Variants in SLC8A1 observed in about 807,000 individuals in gnomAD.
SLC8A1 encodes the protein solute carrier family 8 member A1.
SLC8A1 carries 18 observed loss-of-function variants against 68.3 expected under a neutral mutation model. That is an observed-to-expected ratio of 0.26 (90% CI 0.18 to 0.39). The LOEUF (loss-of-function observed/expected upper bound fraction) is 0.39. SLC8A1 is among the 10% of genes least tolerant of loss of function. The pLI is 1.00. For synonymous variants in SLC8A1, 475 were observed against 415.5 expected (o/e 1.14, Z -1.74); for missense variants, 985 against 1,156.7 (o/e 0.85, Z 2.15).
intron 2 of SLC8A1, among the ~76,000 whole-genome samples, chr2:40,198,914 G>T (rs35963830): frequency 0.46 from 69,690 of 150,020 alleles, 18,350 homozygotes; most frequent in Non-Finnish European, 0.61. Flanking sequence ...AGATTTTGCA[G>T]CTTAATGGAA....
exon 8 of SLC8A1, chr2:40,098,174 A>C (rs1019267580): frequency 4.6e-5 from 7 of 152,066 alleles, no homozygotes; most frequent in Admixed American, 2.0e-4. Context: ...CATGCCATGA[A>C]AGTCAGTAAG....
chr2:40,449,847 G>A (rs1313512375), intron 1 of SLC8A1, among the ~76,000 whole-genome samples: 1 of 151,986 alleles, frequency 6.6e-6, no homozygotes, highest in Non-Finnish European at 1.5e-5. Context: ...GTTTATCTCT[G>A]TTCAGTCCTT....
intron 2 of SLC8A1, among the ~76,000 whole-genome samples, chr2:40,181,889 C>T (rs1206292023): frequency 2.6e-5 from 4 of 152,212 alleles, no homozygotes; most frequent in African/African-American, 9.7e-5. Flanking sequence ...ACCACTTCTT[C>T]CTTCACAGGG....
intron 2 of SLC8A1, among the ~76,000 whole-genome samples, chr2:40,225,900 G>A (rs1011308480): frequency 8.5e-5 from 13 of 152,164 alleles, no homozygotes; most frequent in South Asian, 2.1e-4. Context: ...AAGCTTCAGC[G>A]TTAGAGTTGC....
intron 1 of SLC8A1, among the ~76,000 whole-genome samples, chr2:40,489,589 G>A (rs1302795268): frequency 6.6e-6 from 1 of 152,082 alleles, no homozygotes; most frequent in Non-Finnish European, 1.5e-5. Flanking sequence ...ATTAGAAGGG[G>A]AGTAGAGTAG....
At chr2:40,510,837 C>T (rs557775921) in intron 1 of SLC8A1, among the ~76,000 whole-genome samples, 8 of 152,222 alleles carry the variant, frequency 5.3e-5, no homozygotes, top group Middle Eastern at 3.4e-3. Context: ...TTGATGGAAA[C>T]AATCCCTTAG....
At chr2:40,210,047 G>A (rs947343293) in intron 2 of SLC8A1, 3 of 152,198 alleles carry the variant, frequency 2.0e-5, no homozygotes, top group African/African-American at 7.2e-5. Flanking sequence ...ATATTTGCTA[G>A]TTCTAATCTA....
intron 2 of SLC8A1, among the ~76,000 whole-genome samples, chr2:40,400,863 C>T (rs1045588960): frequency 6.6e-6 from 1 of 152,130 alleles, no homozygotes; most frequent in African/African-American, 2.4e-5. Context: ...AGAGCCAGTT[C>T]TCCGTGTAAT....
intron 2 of SLC8A1, among the ~76,000 whole-genome samples, chr2:40,386,062 G>A (rs1172089547): frequency 2.6e-5 from 4 of 151,102 alleles, no homozygotes; most frequent in Non-Finnish European, 5.9e-5. Flanking sequence ...CCAAATAAAT[G>A]CTACTATGTG....
In SLC8A1 at chr2:40,348,615, G is replaced by C. The variant is rs763370516; in HGVS notation, c.1808+79858C>G. ...TTATTAGAGATTTAGGCTGAGCCAGGGTTGGCTGTGTTCTCAGAAGTACGG... is the reference window on the plus strand; with the variant it reads ...TTATTAGAGATTTAGGCTGAGCCAGCGTTGGCTGTGTTCTCAGAAGTACGG... On this transcript the variant is annotated intron_variant, in intron 2 of 7. Coordinates refer to ENST00000406785, the Ensembl canonical transcript of SLC8A1. Among the ~76,000 whole-genome samples, 7 of 152,268 alleles carry C rather than the reference G, an allele frequency of 4.6e-5. No homozygotes were observed. In the South Asian group the frequency reaches 1.4e-3, roughly 32 times the overall value.
chr2:40,315,225 C>T (rs2149320238), intron 2 of SLC8A1, among the ~76,000 whole-genome samples: 1 of 151,970 alleles, frequency 6.6e-6, no homozygotes, highest in South Asian at 2.1e-4. Flanking sequence ...TAGTTGATTG[C>T]CTTTTCAATA....
At chr2:40,321,580 G>A (rs898938364) in intron 2 of SLC8A1, among the ~76,000 whole-genome samples, 13 of 152,064 alleles carry the variant, frequency 8.5e-5, no homozygotes, top group Non-Finnish European at 1.6e-4. Context: ...GGAGGCCTTA[G>A]GAAACTTATA....
At chr2:40,255,220 T>TC (rs2063708250) in intron 2 of SLC8A1, 1 of 152,026 alleles carries the variant, frequency 6.6e-6, no homozygotes, top group African/African-American at 2.4e-5. Flanking sequence ...GTGTCTTTTC[T>TC]CCCCCTACTC....
intron 7 of SLC8A1, among the ~76,000 whole-genome samples, chr2:40,129,987 C>T (rs544732296): frequency 1.3e-5 from 2 of 152,286 alleles, no homozygotes; most frequent in Non-Finnish European, 2.9e-5. Context: ...CCCTGGACCA[C>T]CTCCTGGTAA....
intron 1 of SLC8A1, among the ~76,000 whole-genome samples, chr2:40,473,704 A>G (rs1704124052): frequency 6.6e-6 from 1 of 152,228 alleles, no homozygotes; most frequent in African/African-American, 2.4e-5. Context: ...TGTTTATTAC[A>G]GTATTAATGA....
At chr2:40,394,020 G>T (rs991070254) in intron 2 of SLC8A1, among the ~76,000 whole-genome samples, 17 of 152,076 alleles carry the variant, frequency 1.1e-4, no homozygotes, top group African/African-American at 4.1e-4. Context: ...ACTGAAGACA[G>T]TTTTGCTTGT....
intron 2 of SLC8A1, among the ~76,000 whole-genome samples, chr2:40,316,022 T>A (rs1270097222): frequency 6.6e-6 from 1 of 151,982 alleles, no homozygotes; most frequent in Non-Finnish European, 1.5e-5. Flanking sequence ...CATACAAGCA[T>A]CACATGCAAA....
Position 40,271,629 on chromosome 2 carries a change from G to T in SLC8A1, c.1809-93774C>A, listed in dbSNP as rs2066041174. On this transcript the variant is annotated intron_variant, in intron 2 of 7. Transcript: ENST00000406785. ...ATGCAGAAGAAAAAGTTTCTTTAGG[G>T]CAAGGAACTCCCTGGGAGCCAAGAA... 2.0e-5 allele frequency among the ~76,000 whole-genome samples: 3 copies of T among 152,220 alleles called. No homozygotes were observed. The South Asian group carries it at 6.2e-4, about 32-fold the overall frequency.
intron 2 of SLC8A1, among the ~76,000 whole-genome samples, chr2:40,271,983 T>C (rs953877798): frequency 1.3e-5 from 2 of 151,982 alleles, no homozygotes; most frequent in African/African-American, 4.8e-5. Flanking sequence ...CCTCCCACCT[T>C]AGCCTGCTGA....
Sources: allele counts gnomAD v4.1 joint callset (sites outside exome capture counted in the v4.1 genomes callset), GRCh38; gene constraint gnomAD v4.1.1; transcripts MANE v1.5; gene names NCBI Gene and HGNC (gene_info 2026-07-23, HGNC 2026-07-21).